SEMA3A: variants seen among roughly 807,000 people sequenced by gnomAD.
The protein encoded by SEMA3A is semaphorin 3A, also known as semaphorin-3A.
SEMA3A carries 29 observed loss-of-function variants against 97.9 expected under a neutral mutation model. That is an observed-to-expected ratio of 0.30 (90% CI 0.22 to 0.40). SEMA3A has a LOEUF of 0.40. Among genes scored for constraint, SEMA3A ranks in the 10% least tolerant of loss-of-function variants. SEMA3A has a pLI of 1.00. For missense variants in SEMA3A, 763 were observed against 951.3 expected, an observed-to-expected ratio of 0.80 and a Z score of 2.60; for synonymous variants, 321 against 323.7, an observed-to-expected ratio of 0.99 and a Z score of 0.09.
At chr7:84,317,347 T>C (rs1172422350) in intron 2 of SEMA3A, among the ~76,000 whole-genome samples, 3 of 152,190 alleles carry the variant, frequency 2.0e-5, no homozygotes, top group Admixed American at 6.5e-5. Flanking sequence ...ATATGGACTA[T>C]ATGATAGTCA....
intron 4 of SEMA3A, among the ~76,000 whole-genome samples, chr7:84,064,018 A>G (rs1175187394): frequency 1.3e-5 from 2 of 151,990 alleles, no homozygotes; most frequent in African/African-American, 4.8e-5. Flanking sequence ...GCAGCCAGAG[A>G]GAAAGGTCGG....
intron 4 of SEMA3A, among the ~76,000 whole-genome samples, chr7:84,104,262 T>C (rs1349901651): frequency 6.6e-6 from 1 of 152,268 alleles, no homozygotes. Flanking sequence ...TGATTGGGAA[T>C]GGCATTATTG....
intron 1 of SEMA3A, among the ~76,000 whole-genome samples, chr7:84,451,554 A>G (rs1805556342): frequency 6.6e-6 from 1 of 152,226 alleles, no homozygotes; most frequent in Non-Finnish European, 1.5e-5. Flanking sequence ...ATGACAATAG[A>G]TAGAAATTTG....
chr7:84,424,643 T>TTA (rs1297476490), intron 1 of SEMA3A, among the ~76,000 whole-genome samples: 8 of 94,264 alleles, frequency 8.5e-5, no homozygotes, highest in Admixed American at 1.9e-4. Context: ...ACAATATATA[T>TTA]TATATTTATA....
chr7:83,989,362 C>A (rs906317749), intron 12 of SEMA3A, among the ~76,000 whole-genome samples: 11 of 151,498 alleles, frequency 7.3e-5, no homozygotes, highest in South Asian at 2.1e-4. Context: ...ACATGTGCAC[C>A]TTGTGCAGGT....
At chr7:84,296,676 T>C (rs956875234) in intron 3 of SEMA3A, among the ~76,000 whole-genome samples, 2 of 152,166 alleles carry the variant, frequency 1.3e-5, no homozygotes, top group Non-Finnish European at 2.9e-5. Context: ...TATGATTGCA[T>C]ATGCTTTTAT....
At chr7:84,250,733 A>G (rs1257525463) in intron 3 of SEMA3A, among the ~76,000 whole-genome samples, 1 of 152,218 alleles carries the variant, frequency 6.6e-6, no homozygotes, top group Non-Finnish European at 1.5e-5. Flanking sequence ...ATAATTCAAT[A>G]TAAATTGACA....
intron 6 of SEMA3A, among the ~76,000 whole-genome samples, chr7:84,029,303 T>C (rs887701440): frequency 6.6e-6 from 1 of 152,210 alleles, no homozygotes; most frequent in Non-Finnish European, 1.5e-5. Flanking sequence ...GACATAATTA[T>C]GTGCCTTTAA....
Position 83,984,335 on chromosome 7 carries a change from G to GT in SEMA3A, c.1494+1100dup, listed in dbSNP as rs368718791. Among the ~76,000 whole-genome samples, 316 of 152,246 alleles carry GT rather than the reference G, an allele frequency of 2.1e-3. 2 individuals are homozygous for GT. Among genetic ancestry groups the GT allele is most frequent in the African/African-American group, 6.1e-3 (255 of 41,576 alleles). On this transcript the variant is annotated intron_variant, in intron 13 of 16. Transcript: ENST00000265362. ...CATACTTATGCAGTGTAAGATAACA[G>GT]TATCAGGTCAATCGTATCTGCACTC...
At chr7:84,267,307 A>T (rs1359541276) in intron 3 of SEMA3A, among the ~76,000 whole-genome samples, 1 of 152,078 alleles carries the variant, frequency 6.6e-6, no homozygotes, top group African/African-American at 2.4e-5. Context: ...TGTTTTCATG[A>T]CTCTCTTACC....
At chr7:84,440,565 A>T (rs1805247981) in intron 1 of SEMA3A, among the ~76,000 whole-genome samples, 1 of 152,230 alleles carries the variant, frequency 6.6e-6, no homozygotes, top group Admixed American at 6.5e-5. Flanking sequence ...AGCACCAGAC[A>T]TTGAAGACTA....
At chr7:83,985,932 G>A (rs959705061) in intron 12 of SEMA3A, among the ~76,000 whole-genome samples, 3 of 152,182 alleles carry the variant, frequency 2.0e-5, no homozygotes, top group Non-Finnish European at 2.9e-5. Flanking sequence ...AACAAAGTAA[G>A]GCTAAAGCTA....
Position 83,974,756 on chromosome 7 carries a change from T to G in SEMA3A, c.1717+2376A>C, listed in dbSNP as rs1318250171. ...AATTTAGTGTAATTTATGGTGTATA[T>G]GGTTTATGTGTAGTCATTATCAAAA... On this transcript the variant is annotated intron_variant, in intron 15 of 16. Coordinates refer to ENST00000265362, the MANE Select transcript of SEMA3A (RefSeq NM_006080.3). 2.0e-5 allele frequency among the ~76,000 whole-genome samples: 3 copies of G among 152,060 alleles called. No individual in the cohort carries two copies. The South Asian group carries it at 6.2e-4, about 32-fold the overall frequency.
At chr7:84,151,726 A>T (rs996421688) in intron 1 of SEMA3A, among the ~76,000 whole-genome samples, 1 of 152,158 alleles carries the variant, frequency 6.6e-6, no homozygotes. Flanking sequence ...GCTTCTGCAC[A>T]GCAAAAGAAA....
At chr7:84,069,923 C>T (rs1265084962) in intron 4 of SEMA3A, among the ~76,000 whole-genome samples, 2 of 152,112 alleles carry the variant, frequency 1.3e-5, no homozygotes, top group Non-Finnish European at 2.9e-5. Context: ...TGCGTATTAA[C>T]ACCCTATGTT....
At chr7:84,062,457 C>A (rs1286608662) in intron 4 of SEMA3A, among the ~76,000 whole-genome samples, 1 of 152,162 alleles carries the variant, frequency 6.6e-6, no homozygotes, top group African/African-American at 2.4e-5. Flanking sequence ...CTACGGCTCC[C>A]AGAGTGAGCG....
intron 3 of SEMA3A, among the ~76,000 whole-genome samples, chr7:84,259,733 A>T (rs2115653600): frequency 6.6e-6 from 1 of 151,876 alleles, no homozygotes; most frequent in African/African-American, 2.4e-5. Flanking sequence ...TAGGAGAAAA[A>T]TTAAAGCAAG....
At chr7:83,963,549 G>A (rs1788560350) in intron 15 of SEMA3A, among the ~76,000 whole-genome samples, 1 of 152,110 alleles carries the variant, frequency 6.6e-6, no homozygotes, top group Non-Finnish European at 1.5e-5. Context: ...TTTGGTATGG[G>A]TTATATAAAA....
chr7:84,055,012 G>T (rs1450475928), intron 5 of SEMA3A, among the ~76,000 whole-genome samples: 1 of 152,144 alleles, frequency 6.6e-6, no homozygotes, highest in African/African-American at 2.4e-5. Context: ...CAGTTAGGCT[G>T]CTCAGGGGTC....
Sources: gnomAD v4.1 joint callset for allele counts (sites outside exome capture counted in the v4.1 genomes callset) on GRCh38, gnomAD v4.1.1 for gene constraint, MANE v1.5 for transcripts, NCBI Gene and HGNC (gene_info 2026-07-23, HGNC 2026-07-21) for gene names.